SLC36A1: variants seen among roughly 807,000 people sequenced by gnomAD.
SLC36A1 encodes the protein solute carrier family 36 member 1, also known as proton-coupled amino acid transporter 1.
Under a neutral mutation model 47.5 loss-of-function variants are expected in SLC36A1, and 30 were observed. The observed-to-expected ratio is 0.63, with a 90% CI of 0.47 to 0.86. SLC36A1 has a LOEUF of 0.86. SLC36A1 is among the 40% of genes least tolerant of loss of function. The pLI is 0.00. For missense variants in SLC36A1, 517 were observed against 606.0 expected (o/e 0.85, Z 1.54); for synonymous variants, 255 against 249.7 (o/e 1.02, Z -0.20).
At chr5:151,467,059 T>A (rs1369174534) in intron 5 of SLC36A1, 140 bp from the exon 6 acceptor site, 9 of 649,422 alleles carry the variant, frequency 1.4e-5, no homozygotes, top group Admixed American at 5.3e-5. Context: ...GCACTACCAC[T>A]ATGCAGTATA....
At chr5:151,454,606 TC>T (rs1754196489) in intron 1 of SLC36A1, among the ~76,000 whole-genome samples, 1 of 152,030 alleles carries the variant, frequency 6.6e-6, no homozygotes, top group Non-Finnish European at 1.5e-5. Context: ...AGAAAGTTCT[TC>T]CTTACACCTA....
the SLC36A1 span, among the ~76,000 whole-genome samples, chr5:151,400,097 G>A: frequency 2.0e-5 from 3 of 152,064 alleles, no homozygotes; most frequent in African/African-American, 7.2e-5. Flanking sequence ...GGGTATGAAC[G>A]ATCCCATAAC....
upstream of SLC36A1, among the ~76,000 whole-genome samples, chr5:151,446,644 G>A (rs1191432451): frequency 6.6e-6 from 1 of 152,176 alleles, no homozygotes; most frequent in Non-Finnish European, 1.5e-5. Flanking sequence ...ATATTAATAT[G>A]ATTTCAATCT....
chr5:151,410,221 G>T, the SLC36A1 span, among the ~76,000 whole-genome samples: 6 of 151,206 alleles, frequency 4.0e-5, no homozygotes, highest in Admixed American at 6.6e-5. Context: ...TGTATTACCA[G>T]CACAGTGGCC....
the SLC36A1 span, among the ~76,000 whole-genome samples, chr5:151,428,217 A>G: frequency 6.6e-6 from 1 of 152,178 alleles, no homozygotes; most frequent in East Asian, 1.9e-4. Flanking sequence ...TTCTGCCTCA[A>G]GTAGTATGTT....
chr5:151,413,602 T>C, the SLC36A1 span, among the ~76,000 whole-genome samples: 5,815 of 152,216 alleles, frequency 0.038, 362 homozygotes, highest in African/African-American at 0.13. Context: ...CACATAACTT[T>C]TAATGTGTGT....
At chr5:151,534,638 C>T in the SLC36A1 span, 2 of 1,603,692 alleles carry the variant, frequency 1.2e-6, no homozygotes, top group Non-Finnish European at 1.7e-6. Flanking sequence ...GTGTGGTCAG[C>T]TCCCCTGGTC....
chr5:151,501,097 G>T, the SLC36A1 span, among the ~76,000 whole-genome samples: 1 of 152,194 alleles, frequency 6.6e-6, no homozygotes, highest in Admixed American at 6.5e-5. Flanking sequence ...TGGAATTCCG[G>T]CTGTGAGACC....
the SLC36A1 span, among the ~76,000 whole-genome samples, chr5:151,537,439 A>C: frequency 6.8e-6 from 1 of 147,090 alleles, no homozygotes; most frequent in Non-Finnish European, 1.5e-5. Flanking sequence ...AGAGGAAAGG[A>C]GAGGGGAGGG....
chr5:151,352,569 G>A, the SLC36A1 span, among the ~76,000 whole-genome samples: 1 of 152,176 alleles, frequency 6.6e-6, no homozygotes, highest in Non-Finnish European at 1.5e-5. Flanking sequence ...CCCTAAATCA[G>A]TTTCAATGAG....
chr5:151,400,670 T>TTTTTGTTTTG, the SLC36A1 span, among the ~76,000 whole-genome samples: 1 of 152,034 alleles, frequency 6.6e-6, no homozygotes, highest in Non-Finnish European at 1.5e-5. Flanking sequence ...CAATACCCGT[T>TTTTTGTTTTG]TTTTGTTTTG....
chr5:151,458,545 A>G (rs1180620035), intron 1 of SLC36A1, among the ~76,000 whole-genome samples: 1 of 151,970 alleles, frequency 6.6e-6, no homozygotes, highest in Non-Finnish European at 1.5e-5. Context: ...GAAATTTATG[A>G]GTGTAGCACC....
intron 10 of SLC36A1, among the ~76,000 whole-genome samples, chr5:151,485,753 A>C (rs1759430455): frequency 6.6e-6 from 1 of 152,232 alleles, no homozygotes; most frequent in African/African-American, 2.4e-5. Context: ...AGTGCTTAGC[A>C]GTGCTCTCTG....
chr5:151,440,881 G>A (rs17802804), intron 1 of SLC36A1, among the ~76,000 whole-genome samples: 21,891 of 152,114 alleles, frequency 0.14, 2,126 homozygotes, highest in East Asian at 0.38. Context: ...CACTACCAGG[G>A]GCTGGCCACA....
the SLC36A1 span, among the ~76,000 whole-genome samples, chr5:151,428,990 C>T: frequency 6.6e-6 from 1 of 152,112 alleles, no homozygotes; most frequent in Non-Finnish European, 1.5e-5. Flanking sequence ...ATGGGTAAAG[C>T]TGTCACATCT....
the SLC36A1 span, chr5:151,531,472 A>G: frequency 7.3e-7 from 1 of 1,373,264 alleles, no homozygotes; most frequent in Non-Finnish European, 9.9e-7. This position sits in a 1 kb window ranked among gnomAD's most constrained non-coding sequence, Gnocchi z 5.7. Context: ...AAACGACCAG[A>G]GGAGGTCTGC....
chr5:151,445,802 G>A (rs970216500), upstream of SLC36A1, among the ~76,000 whole-genome samples: 3 of 152,114 alleles, frequency 2.0e-5, no homozygotes, highest in African/African-American at 7.2e-5. Context: ...AGCCCCATAT[G>A]ATTCTTTTTA....
chr5:151,546,023 C>A, the SLC36A1 span: 2 of 1,614,156 alleles, frequency 1.2e-6, no homozygotes, highest in Non-Finnish European at 1.7e-6. Context: ...ATAGAGAAGA[C>A]TCCATCCTTA....
chr5:151,394,086 G>A, the SLC36A1 span, among the ~76,000 whole-genome samples: 19 of 152,160 alleles, frequency 1.2e-4, no homozygotes, highest in Non-Finnish European at 2.8e-4. Context: ...ATATTTCTTG[G>A]AGGTTTTGTT....
Sources: gnomAD v4.1 joint callset for allele counts (sites outside exome capture counted in the v4.1 genomes callset) on GRCh38, gnomAD v4.1.1 for gene constraint, Gnocchi (gnomAD v3.1) non-coding constraint, MANE v1.5 for transcripts, NCBI Gene and HGNC (gene_info 2026-07-23, HGNC 2026-07-21) for gene names.